Variants in CABCOCO1 observed in about 807,000 individuals in gnomAD.
The protein encoded by CABCOCO1 is ciliary associated calcium binding coiled-coil 1.
In CABCOCO1, 28 loss-of-function variants were observed where a neutral mutation model predicts 35.7. The observed-to-expected ratio is 0.78, with a 90% confidence interval of 0.58 to 1.07. The LOEUF is 1.07. Ranked by LOEUF, CABCOCO1 falls within the 50% of genes least tolerant of loss-of-function variation. The pLI is 0.00. For synonymous variants in CABCOCO1, 95 were observed against 100.1 expected (o/e 0.95, Z 0.30); for missense variants, 326 against 309.2 (o/e 1.05, Z -0.41).
intron 5 of CABCOCO1, among the ~76,000 whole-genome samples, chr10:61,701,291 T>G (rs1310042144): frequency 6.6e-6 from 1 of 152,166 alleles, no homozygotes; most frequent in Non-Finnish European, 1.5e-5. Flanking sequence ...TTATTTAACT[T>G]TTAAAAAATG....
At chr10:61,725,939 A>G (rs1354655538) in intron 5 of CABCOCO1, among the ~76,000 whole-genome samples, 2 of 152,146 alleles carry the variant, frequency 1.3e-5, no homozygotes, top group Non-Finnish European at 2.9e-5. Flanking sequence ...CAGTCTTGCT[A>G]ATGACAAAAG....
At chr10:61,707,537 TC>T (rs1230534825) in intron 5 of CABCOCO1, among the ~76,000 whole-genome samples, 1 of 152,152 alleles carries the variant, frequency 6.6e-6, no homozygotes, top group Non-Finnish European at 1.5e-5. Context: ...GGGGAGGTTT[TC>T]ATCATCACTG....
intron 5 of CABCOCO1, among the ~76,000 whole-genome samples, chr10:61,749,686 T>C (rs926855328): frequency 7.2e-5 from 11 of 152,212 alleles, no homozygotes; most frequent in Non-Finnish European, 1.5e-4. Flanking sequence ...TTTTTTGGAA[T>C]CCATAATGAA....
intron 5 of CABCOCO1, among the ~76,000 whole-genome samples, chr10:61,709,241 T>C (rs985403990): frequency 7.9e-5 from 12 of 152,014 alleles, no homozygotes; most frequent in African/African-American, 2.9e-4. Flanking sequence ...CAAAAGAGGC[T>C]CCCCAAATCC....
At chr10:61,701,083 ATACCAGATCATCTTCACTTTC>A in intron 5 of CABCOCO1, among the ~76,000 whole-genome samples, 1 of 152,188 alleles carries the variant, frequency 6.6e-6, no homozygotes, top group East Asian at 1.9e-4. Flanking sequence ...TGTTAATGGT[ATACCAGATCATCTTCACTTTC>A]TCTTTCCTTT....
At chr10:61,683,545 A>T (rs944137280) in intron 3 of CABCOCO1, among the ~76,000 whole-genome samples, 7 of 152,162 alleles carry the variant, frequency 4.6e-5, no homozygotes, top group African/African-American at 1.7e-4. Context: ...TGGGCAACAC[A>T]GCAAGATGCT....
At chr10:61,716,352 C>T (rs10821913) in intron 5 of CABCOCO1, among the ~76,000 whole-genome samples, 63,499 of 152,046 alleles carry the variant, frequency 0.42, 15,460 homozygotes, top group Middle Eastern at 0.54. Context: ...CACAGTGTCA[C>T]TTCAGTCTTG....
chr10:61,700,921 GTATGTA>G (rs1445519738), intron 5 of CABCOCO1, among the ~76,000 whole-genome samples: 1 of 150,440 alleles, frequency 6.6e-6, no homozygotes, highest in East Asian at 1.9e-4. Context: ...CCACATCTGT[GTATGTA>G]TATGTATACA....
At chr10:61,668,660 A>C (rs1282953423) in intron 1 of CABCOCO1, among the ~76,000 whole-genome samples, 1 of 151,904 alleles carries the variant, frequency 6.6e-6, no homozygotes, top group East Asian at 1.9e-4. Flanking sequence ...ATATTTGACT[A>C]TTTTATTAAC....
intron 5 of CABCOCO1, among the ~76,000 whole-genome samples, chr10:61,697,422 T>A (rs1840325286): frequency 6.6e-6 from 1 of 152,088 alleles, no homozygotes; most frequent in Non-Finnish European, 1.5e-5. Context: ...TATTCTTAAT[T>A]TAAAAAGTGT....
chr10:61,680,450 T>TTA (rs1839688805), intron 2 of CABCOCO1, among the ~76,000 whole-genome samples: 1 of 120,624 alleles, frequency 8.3e-6, no homozygotes, highest in African/African-American at 3.2e-5. Context: ...ATAATATATT[T>TTA]TATATATAAC....
At chr10:61,758,469 GA>G (rs1206378633) in intron 5 of CABCOCO1, among the ~76,000 whole-genome samples, 1 of 152,048 alleles carries the variant, frequency 6.6e-6, no homozygotes, top group Non-Finnish European at 1.5e-5. Flanking sequence ...GTGCATAAGA[GA>G]AAAGAACTGT....
At chr10:61,665,855 C>G (rs1452639520) in intron 1 of CABCOCO1, among the ~76,000 whole-genome samples, 3 of 149,488 alleles carry the variant, frequency 2.0e-5, no homozygotes, top group Non-Finnish European at 4.5e-5. Flanking sequence ...CCACTGCACT[C>G]CAGCCTGGGC....
At chr10:61,690,069 T>A (rs1840089735) in intron 4 of CABCOCO1, among the ~76,000 whole-genome samples, 1 of 152,154 alleles carries the variant, frequency 6.6e-6, no homozygotes, top group Non-Finnish European at 1.5e-5. Flanking sequence ...CAGGTATTAT[T>A]ATAGATTAAT....
At chr10:61,677,811 G>GTTTTTTTTTTTTTTT (rs35492889) in intron 2 of CABCOCO1, among the ~76,000 whole-genome samples, 3 of 60,326 alleles carry the variant, frequency 5.0e-5, no homozygotes, top group Non-Finnish European at 5.8e-5. Context: ...TTTTTTGGGT[G>GTTTTTTTTTTTTTTT]TTTTTTTTTT....
intron 3 of CABCOCO1, among the ~76,000 whole-genome samples, chr10:61,681,854 G>A (rs1397265002): frequency 6.6e-6 from 1 of 152,052 alleles, no homozygotes; most frequent in Non-Finnish European, 1.5e-5. Context: ...AGAAATGCTG[G>A]AAGATACAGA....
At position 61,681,246 on chromosome 10, in the gene CABCOCO1, G is replaced by C. The variant is rs762205676; in HGVS notation, c.268G>C (p.Asp90His). ...TGGATTTTTGTGGGCTAGAGGAATGGATTTCTCTATTATTCAGTATTCAAA... is the reference window on the plus strand; with the variant it reads ...TGGATTTTTGTGGGCTAGAGGAATGCATTTCTCTATTATTCAGTATTCAAA... ...VSGFLWARGM[D>H]FSIIQYSKFM... The change falls in exon 3 of 8, where the codon GAT becomes CAT. Residue 90 changes from aspartate to histidine, a missense_variant. By Grantham distance (81) the Asp-to-His change is moderately conservative (BLOSUM62 -1). Transcript: ENST00000648843. The C allele has an allele frequency of 1.3e-6, 2 of 1,569,356 alleles. No homozygotes were observed. The highest frequency in any genetic ancestry group is 1.7e-6 in the Non-Finnish European group (2 of 1,150,114).
chr10:61,743,028 A>C lies in CABCOCO1; in HGVS notation c.553-17031A>C, dbSNP rs959392714. ...GTGCTAAAACAATTCATGTGTCATG[A>C]ACAAAGCAGCCGCAGATTTTAGCTC... On this transcript the variant is annotated intron_variant, in intron 5 of 7. Coordinates refer to ENST00000648843, the MANE Select transcript of CABCOCO1 (RefSeq NM_001366906.2). Among the ~76,000 whole-genome samples, 11 of 152,330 alleles carry C rather than the reference A, an allele frequency of 7.2e-5. No individual in the cohort carries two copies. The South Asian group carries it at 8.3e-4, about 11-fold the overall frequency.
chr10:61,664,037 C>G (rs1338831447), intron 1 of CABCOCO1, among the ~76,000 whole-genome samples: 1 of 152,118 alleles, frequency 6.6e-6, no homozygotes, highest in Non-Finnish European at 1.5e-5. Flanking sequence ...ACACAAGGAG[C>G]CAATAATTCC....
Sources: gnomAD v4.1 joint callset for allele counts (sites outside exome capture counted in the v4.1 genomes callset) on GRCh38, gnomAD v4.1.1 for gene constraint, MANE v1.5 for transcripts, NCBI Gene and HGNC (gene_info 2026-07-23, HGNC 2026-07-21) for gene names.